Variants in GGT7 observed in about 807,000 individuals in gnomAD.
GGT7 encodes the protein glutathione hydrolase 7.
A neutral mutation model predicts 69.2 loss-of-function variants in GGT7; 30 were observed. That is an observed-to-expected ratio of 0.43 (90% CI 0.32 to 0.59). The LOEUF is 0.59. Among genes scored for constraint, GGT7 ranks in the 20% least tolerant of loss-of-function variants. The probability of loss-of-function intolerance (pLI) is 0.05; values close to 1 mark genes in which losing one functional copy is unlikely to be tolerated. For missense variants in GGT7, 733 were observed against 901.1 expected, an observed-to-expected ratio of 0.81 and a Z score of 2.39; for synonymous variants, 388 against 391.8, an observed-to-expected ratio of 0.99 and a Z score of 0.12.
At chr20:34,872,357 A>G (rs2079794018) in intron 1 of GGT7, 1 of 284,510 alleles carries the variant, frequency 3.5e-6, no homozygotes, top group South Asian at 1.5e-4. Context: ...GTTCCTTAGG[A>G]TCTCCCCTTC....
chr20:34,856,741 C>A, intron 8 of GGT7, 65 bp downstream of exon 8: 1 of 901,698 alleles, frequency 1.1e-6, no homozygotes, highest in Non-Finnish European at 1.8e-6. Flanking sequence ...TAGGCCAAAA[C>A]GATGTGGCCA....
chr20:34,869,454 A>T (rs1329096695), intron 1 of GGT7, among the ~76,000 whole-genome samples: 2 of 152,204 alleles, frequency 1.3e-5, no homozygotes, highest in African/African-American at 4.8e-5. Context: ...TTACAGGTGT[A>T]TGCCACTATG....
At chr20:34,868,276 A>AT (rs2079725509) in intron 1 of GGT7, among the ~76,000 whole-genome samples, 1 of 152,226 alleles carries the variant, frequency 6.6e-6, no homozygotes, top group Non-Finnish European at 1.5e-5. Context: ...AGTCCATCAT[A>AT]AAGTTATTGA....
Position 34,849,985 on chromosome 20 carries a change from G to A in GGT7, c.1801C>T (p.Gln601Ter). 1 of 1,612,192 alleles carries A rather than the reference G, an allele frequency of 6.2e-7. No homozygotes were observed. The highest frequency in any genetic ancestry group is 8.5e-7 in the Non-Finnish European group (1 of 1,178,362). The part of the protein sequence containing the change: ...LARGRLHPDL[Q>*]SNLLQVDSEF... ...CTGTCCACCTGCAGGAGGTTGGACTGCAGGTCCGGGTGTAGGCGGCCGCGG... is the reference window on the plus strand; with the variant it reads ...CTGTCCACCTGCAGGAGGTTGGACTACAGGTCCGGGTGTAGGCGGCCGCGG... Residue 601 changes from glutamine (Q) to a stop codon, truncating the protein, a stop_gained, in exon 14 of 15, where the codon CAG becomes TAG. Transcript: ENST00000336431. LOFTEE classifies it high-confidence loss of function.
chr20:34,869,537 G>C (rs2079747156), intron 1 of GGT7, among the ~76,000 whole-genome samples: 1 of 152,168 alleles, frequency 6.6e-6, no homozygotes, highest in African/African-American at 2.4e-5. Flanking sequence ...TTGGGGTGGG[G>C]ACTGGGCAAG....
chr20:34,850,156 G>C, intron 13 of GGT7, 96 bp from the exon 14 acceptor site: 1 of 880,412 alleles, frequency 1.1e-6, no homozygotes, highest in South Asian at 1.3e-5. Context: ...CCTTAGTCTT[G>C]AGAATTCTTA....
At chr20:34,870,950 C>T (rs1330450976) in intron 1 of GGT7, among the ~76,000 whole-genome samples, 1 of 150,792 alleles carries the variant, frequency 6.6e-6, no homozygotes, top group African/African-American at 2.4e-5. Flanking sequence ...CACCACCATG[C>T]CCAGCTAATT....
rs752276142 is a variant in GGT7 at position 34,862,881 on chromosome 20, C to T, written c.490G>A (p.Val164Met). The change falls in exon 3 of 15, where the codon GTG (valine) becomes ATG (methionine). Residue 164 changes from valine (V) to methionine (M), a missense_variant. Physicochemically the swap from Val to Met is conservative, Grantham distance 21 (BLOSUM62 1). Coordinates refer to ENST00000336431, the MANE Select transcript of GGT7 (RefSeq NM_178026.3). ...IEVLSKQGSS[V>M]DAAVAAALCL... ...AAGGCTGCTGCCACCGCTGCGTCCA[C>T]AGAAGATCCCTGTTTACTGAGCACC... 1 of 1,614,050 alleles carries T rather than the reference C, an allele frequency of 6.2e-7. No individual in the cohort carries two copies. The highest frequency in any genetic ancestry group is 1.3e-5 in the African/African-American group (1 of 74,920).
In GGT7 at chr20:34,862,830, T is replaced by C. The variant is rs775715870; in HGVS notation, c.541A>G (p.Ser181Gly). The C allele has an allele frequency of 7.4e-6, 12 of 1,613,930 alleles. No individual in the cohort carries two copies. The highest frequency in any genetic ancestry group is 1.0e-5 in the Non-Finnish European group (12 of 1,180,006). ...GCTCCTTACCCGCCCAGGCCAGAACTGTGTGGAGCCACGATACCCAAACAC... is the reference window on the plus strand; with the variant it reads ...GCTCCTTACCCGCCCAGGCCAGAACCGTGTGGAGCCACGATACCCAAACAC... Reference protein sequence around the residue: ...ALCLGIVAPHSSGLGGGGVML... With the variant: ...ALCLGIVAPHGSGLGGGGVML... Residue 181 changes from serine to glycine, a missense_variant, in exon 3 of 15, where the codon AGT becomes GGT. Coordinates refer to ENST00000336431, the MANE Select transcript of GGT7 (RefSeq NM_178026.3).
At chr20:34,867,510 C>G (rs547025134) in intron 1 of GGT7, among the ~76,000 whole-genome samples, 1 of 152,060 alleles carries the variant, frequency 6.6e-6, no homozygotes, top group East Asian at 1.9e-4. Flanking sequence ...CCCAGGTATT[C>G]AAGACCAGCC....
intron 1 of GGT7, among the ~76,000 whole-genome samples, chr20:34,864,104 A>C (rs1229269842): frequency 1.3e-5 from 2 of 152,232 alleles, no homozygotes; most frequent in Non-Finnish European, 2.9e-5. Context: ...AAAGGAGTCT[A>C]TAATTACAAG....
Position 34,849,884 on chromosome 20 carries a change from G to T in GGT7, c.1825+77C>A, listed in dbSNP as rs773652648. ...TCACTGGCAGTTGGTGCTGGTTGAG[G>T]CATGGGCACCCTTGGGAGGAGTCCT... On this transcript the variant is annotated intron_variant, in intron 14 of 14. Coordinates refer to ENST00000336431, the MANE Select transcript of GGT7 (RefSeq NM_178026.3). 62 of 803,628 alleles carry T rather than the reference G, an allele frequency of 7.7e-5. No homozygotes were observed. In the Admixed American group the frequency reaches 1.4e-3, roughly 18 times the overall value. The allele number at this position is 803,628 out of a possible 1,614,324, so 49.8% of individuals were successfully genotyped here. A position where few individuals can be genotyped will look rare whatever the true frequency, so the allele number is the denominator to read the frequency against.
At position 34,852,454 on chromosome 20, in the gene GGT7, G is replaced by A. The variant is rs200443812; in HGVS notation, c.1404C>T (p.Asp468=). 93 of 1,613,622 alleles carry A rather than the reference G, an allele frequency of 5.8e-5. No homozygotes were observed. Among genetic ancestry groups the A allele is most frequent in the East Asian group, 5.1e-4 (23 of 44,888 alleles). Residue 468 remains aspartate, a synonymous_variant, in exon 11 of 15, where the codon GAC becomes GAT. Coordinates refer to ENST00000336431, the MANE Select transcript of GGT7 (RefSeq NM_178026.3). ...PAPLLPVYEL[D]GAPTAAQVLI... ...GCACCTGGGCAGCCGTGGGAGCTCCGTCTAGTTCATAGACAGGCAGGAGTG... is the reference window on the plus strand; with the variant it reads ...GCACCTGGGCAGCCGTGGGAGCTCCATCTAGTTCATAGACAGGCAGGAGTG...
At chr20:34,859,344 A>AAGGGAGGG in intron 7 of GGT7, 99 bp downstream of exon 7, 1 of 832,952 alleles carries the variant, frequency 1.2e-6, no homozygotes, top group Non-Finnish European at 1.8e-6. Flanking sequence ...TATAGAAAGA[A>AAGGGAGGG]AGGGAGGGAG....
chr20:34,863,540 A>G lies in GGT7; in HGVS notation c.178T>C (p.Ser60Pro), dbSNP rs1182450514. ...FLGDPDTDPD[S>P]FLKSARLQRL... Reference sequence around the variant, plus strand: ...TGCAGCCGTGCAGACTTCAGGAAGGAGTCCGGGTCTGCGGGCAGGCAGCCG... The same window carrying G: ...TGCAGCCGTGCAGACTTCAGGAAGGGGTCCGGGTCTGCGGGCAGGCAGCCG... Residue 60 changes from serine (S) to proline (P), a missense_variant, in exon 2 of 15, where the codon TCC becomes CCC. Physicochemically the swap from Ser to Pro is moderately conservative, Grantham distance 74 (BLOSUM62 -1). Coordinates refer to ENST00000336431, the MANE Select transcript of GGT7 (RefSeq NM_178026.3). This position sits in a 1 kb window ranked among gnomAD's most constrained non-coding sequence, Gnocchi z 4.4. 1.3e-6 allele frequency: 2 copies of G among 1,575,532 alleles called. No homozygotes were observed. Among genetic ancestry groups the G allele is most frequent in the Non-Finnish European group, 1.7e-6 (2 of 1,159,436 alleles).
chr20:34,868,995 T>C (rs962310072), intron 1 of GGT7, among the ~76,000 whole-genome samples: 1 of 152,178 alleles, frequency 6.6e-6, no homozygotes, highest in African/African-American at 2.4e-5. Context: ...TAAAATTCTC[T>C]TTTTGGATGT....
At chr20:34,853,843 T>C (rs1258033286) in intron 10 of GGT7, among the ~76,000 whole-genome samples, 2 of 152,226 alleles carry the variant, frequency 1.3e-5, no homozygotes, top group Non-Finnish European at 2.9e-5. Flanking sequence ...GGAATTTGAA[T>C]GAAGGCAGTC....
chr20:34,847,670 C>A (rs916924586), intron 14 of GGT7, among the ~76,000 whole-genome samples: 4 of 152,162 alleles, frequency 2.6e-5, no homozygotes, highest in African/African-American at 9.7e-5. Context: ...CCATGGGCAA[C>A]AATATTTAAC....
chr20:34,856,724 G>C (rs1291984134), intron 8 of GGT7, 82 bp downstream of exon 8: 2 of 773,506 alleles, frequency 2.6e-6, no homozygotes, highest in African/African-American at 3.4e-5. Flanking sequence ...AAATGGAGAG[G>C]AGTCTCTAGG....
Sources: gnomAD v4.1 joint callset for allele counts (sites outside exome capture counted in the v4.1 genomes callset) on GRCh38, gnomAD v4.1.1 for gene constraint, Gnocchi (gnomAD v3.1) non-coding constraint, MANE v1.5 for transcripts, NCBI Gene and HGNC (gene_info 2026-07-23, HGNC 2026-07-21) for gene names.